ATRNL1: variants seen among roughly 807,000 people sequenced by gnomAD.
ATRNL1 encodes attractin-like protein 1.
Under a neutral mutation model 182.7 loss-of-function variants are expected in ATRNL1, and 95 were observed. The ratio of observed to expected loss-of-function variants is 0.52; its 90% confidence interval spans 0.44 to 0.62. The LOEUF (loss-of-function observed/expected upper bound fraction) is 0.62, where lower values mean the gene tolerates loss of function less well. Among genes scored for constraint, ATRNL1 ranks in the 20% least tolerant of loss-of-function variants. ATRNL1 has a pLI of 0.00. For missense variants in ATRNL1, 1,471 were observed against 1,679.5 expected, an observed-to-expected ratio of 0.88 and a Z score of 2.17; for synonymous variants, 576 against 568.3, an observed-to-expected ratio of 1.01 and a Z score of -0.19.
At chr10:115,372,038 G>A (rs1182385025) in intron 19 of ATRNL1, among the ~76,000 whole-genome samples, 1 of 152,302 alleles carries the variant, frequency 6.6e-6, no homozygotes, top group Admixed American at 6.5e-5. Context: ...CTGTTGCCAT[G>A]TGAGACATAC....
chr10:115,456,833 A>G (rs1461098249), intron 21 of ATRNL1, among the ~76,000 whole-genome samples: 3 of 152,050 alleles, frequency 2.0e-5, no homozygotes, highest in Non-Finnish European at 4.4e-5. Flanking sequence ...CTTCAGATGC[A>G]TGCTCACCAA....
intron 27 of ATRNL1, among the ~76,000 whole-genome samples, chr10:115,762,842 A>C (rs1320669174): frequency 1.3e-5 from 2 of 152,134 alleles, no homozygotes; most frequent in Non-Finnish European, 2.9e-5. Context: ...AGAAAATGAA[A>C]GCATACAATT....
At chr10:115,152,188 G>A (rs1592174796) in intron 5 of ATRNL1, among the ~76,000 whole-genome samples, 1 of 151,812 alleles carries the variant, frequency 6.6e-6, no homozygotes. Flanking sequence ...GATTGTCTTG[G>A]CAATGTGGGC....
At chr10:115,781,378 C>T (rs1949261844) in intron 27 of ATRNL1, among the ~76,000 whole-genome samples, 1 of 152,102 alleles carries the variant, frequency 6.6e-6, no homozygotes, top group Non-Finnish European at 1.5e-5. Flanking sequence ...AGTACAAGTG[C>T]TTACCAAAAA....
intron 26 of ATRNL1, among the ~76,000 whole-genome samples, chr10:115,603,213 G>A (rs1255050345): frequency 2.0e-5 from 3 of 152,096 alleles, no homozygotes; most frequent in African/African-American, 7.2e-5. Context: ...ACAGGGGATA[G>A]GACTGAAAAT....
rs781985962 is a variant in ATRNL1 at position 115,241,638 on chromosome 10, C to A, written c.1600C>A (p.Leu534Ile). The A allele has an allele frequency of 9.3e-6, 15 of 1,611,676 alleles. No homozygotes were observed. The Admixed American group carries it at 2.3e-4, about 25-fold the overall frequency. ...AGCTGTTCTTATCAATGGAGCTATGCTTATTTTTGGAGGAAATACCCATAA... is the reference window on the plus strand; with the variant it reads ...AGCTGTTCTTATCAATGGAGCTATGATTATTTTTGGAGGAAATACCCATAA... The part of the protein sequence containing the change: ...HSAVLINGAM[L>I]IFGGNTHNDT... Residue 534 changes from leucine to isoleucine, a missense_variant, in exon 10 of 29, where the codon CTT becomes ATT. By Grantham distance (5) the Leu-to-Ile change is conservative. Transcript: ENST00000355044.
chr10:115,754,004 C>T (rs1319819096), intron 27 of ATRNL1, among the ~76,000 whole-genome samples: 1 of 152,140 alleles, frequency 6.6e-6, no homozygotes, highest in Admixed American at 6.6e-5. Flanking sequence ...ATATCCTTCA[C>T]CCACTTTTTA....
chr10:115,523,007 A>G lies in ATRNL1; in HGVS notation c.3716+3683A>G, dbSNP rs913170363. The stretch of plus-strand genomic sequence containing the variant: ...TACTCTCTTCAGGGCCTCCAACCGC[A>G]TATTTCTGCTCAGCATTGCCTCACT... On this transcript the variant is annotated intron_variant, in intron 25 of 28. Coordinates refer to ENST00000355044, the MANE Select transcript of ATRNL1 (RefSeq NM_207303.4). Among the ~76,000 whole-genome samples, 36 of 152,060 alleles carry G rather than the reference A, an allele frequency of 2.4e-4. 1 individual carries two copies. Among genetic ancestry groups the G allele is most frequent in the Admixed American group, 1.3e-4 (2 of 15,256 alleles).
chr10:115,461,582 C>G (rs1309203444), intron 21 of ATRNL1, among the ~76,000 whole-genome samples: 1 of 152,014 alleles, frequency 6.6e-6, no homozygotes, highest in Non-Finnish European at 1.5e-5. Context: ...AGAATTCTAA[C>G]TGGAATAAAA....
chr10:115,541,731 C>CA (rs577065564), intron 25 of ATRNL1, among the ~76,000 whole-genome samples: 6 of 150,864 alleles, frequency 4.0e-5, no homozygotes, highest in South Asian at 2.1e-4. Context: ...GAGACAGAAA[C>CA]AAAAAAAATA....
chr10:115,127,595 G>C lies in ATRNL1; in HGVS notation c.494G>C (p.Gly165Ala). ...IYAPLIAVLS[G>A]LIVPEIRGNE... ...TATTCAGTTTTGTTCTCTTTTAGTGGTTTGATAGTCCCTGAAATAAGGGGC... is the reference window on the plus strand; with the variant it reads ...TATTCAGTTTTGTTCTCTTTTAGTGCTTTGATAGTCCCTGAAATAAGGGGC... Residue 165 changes from glycine (G) to alanine (A), a missense_variant and splice_region_variant, in exon 4 of 29, where the codon GGT (glycine) becomes GCT (alanine). Physicochemically the swap from Gly to Ala is moderately conservative, Grantham distance 60. This residue lies in a region of ATRNL1 where 1,031 missense variants were observed against 1,156.0 expected (regional missense o/e 0.89). Transcript: ENST00000355044. 1 of 1,608,490 alleles carries C rather than the reference G, an allele frequency of 6.2e-7. No individual in the cohort carries two copies. Among genetic ancestry groups the C allele is most frequent in the Non-Finnish European group, 8.5e-7 (1 of 1,177,214 alleles).
At chr10:115,898,867 A>G (rs1952274918) in intron 28 of ATRNL1, among the ~76,000 whole-genome samples, 1 of 152,216 alleles carries the variant, frequency 6.6e-6, no homozygotes, top group African/African-American at 2.4e-5. Context: ...AGATCTCTAC[A>G]CTATATGGCT....
intron 13 of ATRNL1, among the ~76,000 whole-genome samples, chr10:115,274,403 C>T (rs1592363803): frequency 6.6e-6 from 1 of 152,256 alleles, no homozygotes; most frequent in African/African-American, 2.4e-5. Flanking sequence ...TAGGAGGGGC[C>T]AGAGGCAACA....
chr10:115,166,928 T>C (rs1438620721), intron 7 of ATRNL1, among the ~76,000 whole-genome samples: 3 of 152,008 alleles, frequency 2.0e-5, no homozygotes, highest in African/African-American at 4.8e-5. Flanking sequence ...TAATTTATTT[T>C]TTCTTTTGTT....
chr10:115,427,850 G>T (rs1477413232), intron 21 of ATRNL1, among the ~76,000 whole-genome samples: 2 of 149,472 alleles, frequency 1.3e-5, no homozygotes, highest in African/African-American at 4.9e-5. Flanking sequence ...AAATCGGTTA[G>T]TATTTATTCT....
intron 28 of ATRNL1, among the ~76,000 whole-genome samples, chr10:115,897,663 C>T (rs1481610887): frequency 6.6e-6 from 1 of 152,108 alleles, no homozygotes; most frequent in Non-Finnish European, 1.5e-5. Flanking sequence ...TTGTCACCAT[C>T]AGGGAATGCT....
At chr10:115,254,905 T>G (rs1309083820) in intron 10 of ATRNL1, among the ~76,000 whole-genome samples, 2 of 152,226 alleles carry the variant, frequency 1.3e-5, no homozygotes, top group Non-Finnish European at 2.9e-5. Flanking sequence ...CCTTTCCCCT[T>G]TTCTTGTTTT....
chr10:115,895,519 A>G (rs933022904), intron 28 of ATRNL1, among the ~76,000 whole-genome samples: 3 of 152,188 alleles, frequency 2.0e-5, no homozygotes, highest in Non-Finnish European at 2.9e-5. Context: ...TCATCTGACA[A>G]ACCCTCAGTG....
chr10:115,920,456 CTG>C (rs1359227063), intron 28 of ATRNL1, among the ~76,000 whole-genome samples: 8 of 152,300 alleles, frequency 5.3e-5, no homozygotes, highest in Admixed American at 5.2e-4. Context: ...AACATGAAGA[CTG>C]TAATTCTGAG....
Sources: gnomAD v4.1 joint callset for allele counts (sites outside exome capture counted in the v4.1 genomes callset) on GRCh38, gnomAD v4.1.1 for gene constraint, gnomAD v4.1.1 regional missense constraint, MANE v1.5 for transcripts, NCBI Gene and HGNC (gene_info 2026-07-23, HGNC 2026-07-21) for gene names.